Variants in CFAP20DC observed in about 807,000 individuals in gnomAD.
CFAP20DC encodes CFAP20 domain containing.
In CFAP20DC, 84 loss-of-function variants were observed where a neutral mutation model predicts 101.7. The ratio of observed to expected loss-of-function variants is 0.83; its 90% CI spans 0.69 to 0.99. CFAP20DC has a LOEUF of 0.99. Ranked by LOEUF, CFAP20DC falls within the 50% of genes least tolerant of loss-of-function variation. The pLI is 0.00. For missense variants in CFAP20DC, 1,007 were observed against 970.3 expected (o/e 1.04, Z -0.50); for synonymous variants, 359 against 351.2 (o/e 1.02, Z -0.25).
intron 15 of CFAP20DC, among the ~76,000 whole-genome samples, chr3:58,790,360 A>G (rs1426918493): frequency 6.6e-6 from 1 of 152,194 alleles, no homozygotes; most frequent in Admixed American, 6.5e-5. Flanking sequence ...TTCCCTGGCA[A>G]AGGCCCCACT....
chr3:58,818,289 A>T (rs1382663523), intron 14 of CFAP20DC, among the ~76,000 whole-genome samples: 13 of 151,328 alleles, frequency 8.6e-5, no homozygotes, highest in Middle Eastern at 3.4e-3. Context: ...CACACATAAC[A>T]ATATTAACTT....
chr3:58,945,917 A>G (rs887768278), intron 4 of CFAP20DC, among the ~76,000 whole-genome samples: 3 of 151,470 alleles, frequency 2.0e-5, no homozygotes, highest in African/African-American at 7.3e-5. Context: ...GGATGGTCTC[A>G]ATCTCCTGAC....
At chr3:58,954,105 C>T (rs572324743) in intron 4 of CFAP20DC, among the ~76,000 whole-genome samples, 4 of 152,178 alleles carry the variant, frequency 2.6e-5, no homozygotes, top group Non-Finnish European at 4.4e-5. Context: ...TTAACATCTA[C>T]ATTTGCAAAC....
Position 58,856,265 on chromosome 3 carries a change from GACACACACAC to G in CFAP20DC, c.1594-6866_1594-6857del, listed in dbSNP as rs536277954. On this transcript the variant is annotated intron_variant, in intron 12 of 16. Transcript: ENST00000482387. The stretch of plus-strand genomic sequence containing the variant: ...TTTGTCTACACTAGCTTCATCTTCT[GACACACACAC>G]ACACACACACACACACACACACACA... Among the ~76,000 whole-genome samples, 587 of 124,132 alleles carry G rather than the reference GACACACACAC, an allele frequency of 4.7e-3. 3 individuals carry two copies. The highest frequency in any genetic ancestry group is 9.1e-3 in the African/African-American group (306 of 33,478). The allele number at this position is 124,132 out of a possible 152,430, so 81.4% of individuals were successfully genotyped here.
rs1201435968 is a variant in CFAP20DC, at chr3:58,788,983, T to C, written c.2237+17412A>G. 6.6e-6 allele frequency among the ~76,000 whole-genome samples: 1 copy of C among 152,184 alleles called. No homozygotes were observed. The highest frequency in any genetic ancestry group is 6.5e-5 in the Admixed American group (1 of 15,274). ...GTCATAATTTGTAAGGGAACCCATA[T>C]AGTTCAAACCCATGTTGTTCAAGGG... On this transcript the variant is annotated intron_variant, in intron 15 of 16. Transcript: ENST00000482387. This position sits in a 1 kb window ranked among gnomAD's most constrained non-coding sequence, Gnocchi z 4.2.
At chr3:58,750,525 G>A (rs377731177) in intron 16 of CFAP20DC, among the ~76,000 whole-genome samples, 102 of 152,292 alleles carry the variant, frequency 6.7e-4, no homozygotes, top group African/African-American at 2.2e-3. Flanking sequence ...AAAGGTGGGC[G>A]ATACCTTTCC....
intron 15 of CFAP20DC, among the ~76,000 whole-genome samples, chr3:58,766,376 A>T (rs935870166): frequency 2.6e-5 from 4 of 152,064 alleles, no homozygotes; most frequent in East Asian, 3.9e-4. Context: ...ATTCCTGCCA[A>T]TTTTTCTCCT....
chr3:58,814,315 A>G (rs1327268296), intron 14 of CFAP20DC, among the ~76,000 whole-genome samples: 3 of 151,852 alleles, frequency 2.0e-5, no homozygotes, highest in Admixed American at 2.0e-4. Flanking sequence ...CTTGCTTTAG[A>G]CTAAAAACTC....
chr3:59,041,769 G>A (rs145910128), intron 3 of CFAP20DC, among the ~76,000 whole-genome samples: 12 of 152,072 alleles, frequency 7.9e-5, no homozygotes, highest in East Asian at 1.9e-4. Flanking sequence ...TTCATCATGG[G>A]CTATTCCATA....
At chr3:58,749,965 G>C (rs570466954) in intron 16 of CFAP20DC, among the ~76,000 whole-genome samples, 1 of 152,334 alleles carries the variant, frequency 6.6e-6, no homozygotes, top group African/African-American at 2.4e-5. Flanking sequence ...TATTCAGCAA[G>C]TGTGTTATAG....
Position 58,721,670 on chromosome 3 carries a change from G to A in CFAP20DC, c.198-4042C>T, listed in dbSNP as rs1280957342. Among the ~76,000 whole-genome samples, 2 of 152,144 alleles carry A rather than the reference G, an allele frequency of 1.3e-5. No homozygotes were observed. ...GGTCCAGACAAATCTGGAGGGAGGG[G>A]GAGGACTGTATCCCACAGGACTTGG... On this transcript the variant is annotated intron_variant, in intron 3 of 3. Coordinates refer to the CFAP20DC transcript ENST00000486145. This position sits in a 1 kb window ranked among gnomAD's most constrained non-coding sequence, Gnocchi z 5.2.
At chr3:58,978,933 C>A (rs1483933592) in intron 4 of CFAP20DC, among the ~76,000 whole-genome samples, 1 of 152,018 alleles carries the variant, frequency 6.6e-6, no homozygotes, top group African/African-American at 2.4e-5. Flanking sequence ...CACTCTAATC[C>A]CAGGTCCTGA....
intron 6 of CFAP20DC, among the ~76,000 whole-genome samples, chr3:58,890,450 C>T (rs530906737): frequency 1.6e-4 from 22 of 140,178 alleles, no homozygotes; most frequent in East Asian, 4.5e-4. Flanking sequence ...ACCCCCCCCA[C>T]GTCCCTCCCG....
intron 15 of CFAP20DC, among the ~76,000 whole-genome samples, chr3:58,786,541 T>C (rs536772344): frequency 1.1e-4 from 17 of 152,222 alleles, no homozygotes; most frequent in Admixed American, 9.8e-4. Flanking sequence ...CTGTCTGTCT[T>C]GTCCCAGACC....
chr3:58,937,971 C>T (rs113137974), intron 4 of CFAP20DC, among the ~76,000 whole-genome samples: 5 of 152,224 alleles, frequency 3.3e-5, no homozygotes, highest in African/African-American at 1.2e-4. Flanking sequence ...TGTATAAATT[C>T]ACTTAATATG....
intron 12 of CFAP20DC, chr3:58,862,611 G>A (rs2079342858): frequency 3.0e-6 from 3 of 985,394 alleles, no homozygotes; most frequent in Non-Finnish European, 3.6e-6. Context: ...AACTGCCTCC[G>A]AAGGTTGGTG....
At chr3:58,730,468 T>A (rs1404927364) in intron 3 of CFAP20DC, among the ~76,000 whole-genome samples, 1 of 152,200 alleles carries the variant, frequency 6.6e-6, no homozygotes, top group Non-Finnish European at 1.5e-5. Context: ...ATGGTGGTAG[T>A]GGTCCCAGGT....
chr3:58,967,992 A>G (rs2091692521), intron 4 of CFAP20DC, among the ~76,000 whole-genome samples: 2 of 152,184 alleles, frequency 1.3e-5, no homozygotes, highest in African/African-American at 4.8e-5. Flanking sequence ...ATAGTCTGCT[A>G]AAGATAATAG....
intron 4 of CFAP20DC, among the ~76,000 whole-genome samples, chr3:58,978,460 G>A (rs2092374946): frequency 6.6e-6 from 1 of 152,012 alleles, no homozygotes. Context: ...TCTAATCCCA[G>A]CACTTTGGGA....
Sources: allele counts gnomAD v4.1 joint callset (sites outside exome capture counted in the v4.1 genomes callset), GRCh38; gene constraint gnomAD v4.1.1; non-coding constraint Gnocchi (gnomAD v3.1); transcripts MANE v1.5; gene names NCBI Gene and HGNC (gene_info 2026-07-23, HGNC 2026-07-21).